The following PIEZO2 variants were observed in gnomAD, a reference collection of about 807,000 sequenced individuals.
The protein encoded by PIEZO2 is piezo-type mechanosensitive ion channel component 2.
In PIEZO2, 172 loss-of-function variants were observed where a neutral mutation model predicts 337.3. The ratio of observed to expected loss-of-function variants is 0.51; its 90% CI spans 0.45 to 0.58. The LOEUF (loss-of-function observed/expected upper bound fraction) is 0.58, where lower values mean the gene tolerates loss of function less well. PIEZO2 is among the 20% of genes least tolerant of loss of function. The pLI, the probability that PIEZO2 is intolerant of heterozygous loss-of-function variation, is 0.00. For missense variants in PIEZO2, 3,028 were observed against 3,391.3 expected (o/e 0.89, Z 2.66); for synonymous variants, 1,251 against 1,228.5 (o/e 1.02, Z -0.38).
chr18:10,705,271 ATTAGGGCAT>A lies in PIEZO2; in HGVS notation c.5999+56_5999+64del, dbSNP rs943624471. On this transcript the variant is annotated intron_variant, in intron 41 of 55. Coordinates refer to ENST00000674853, the MANE Select transcript of PIEZO2 (RefSeq NM_001378183.1). ...ATATATGAATTTTTCTGTATACAGAATTAGGGCATTATGTTTAAGTGGTGATTTGGGGAT... is the reference window on the plus strand; with the variant it reads ...ATATATGAATTTTTCTGTATACAGAATATGTTTAAGTGGTGATTTGGGGAT... 2.8e-6 allele frequency: 4 copies of A among 1,444,984 alleles called. No homozygotes were observed. The African/African-American group carries it at 5.7e-5, about 21-fold the overall frequency. The allele number at this position is 1,444,984 out of a possible 1,614,324, so 89.5% of individuals were successfully genotyped here. A position where few individuals can be genotyped will look rare whatever the true frequency, so the allele number is the denominator to read the frequency against.
rs2035368371 is a variant in PIEZO2, at chr18:10,702,139, A to G, written c.6291T>C (p.Phe2097=). ...VAIVVKYFFQ[F]GFFPWNKNVE... Reference sequence around the variant, plus strand: ...CATTCTTATTCCAGGGAAAGAACCCAAATTGGAAGAAATACTTGACTACAA... The same window carrying G: ...CATTCTTATTCCAGGGAAAGAACCCGAATTGGAAGAAATACTTGACTACAA... Residue 2097 remains phenylalanine (F), a synonymous_variant, in exon 43 of 56, where the codon TTT becomes TTC. Coordinates refer to ENST00000674853, the MANE Select transcript of PIEZO2 (RefSeq NM_001378183.1). 3 of 1,536,632 alleles carry G rather than the reference A, an allele frequency of 2.0e-6. No individual in the cohort carries two copies. Among genetic ancestry groups the G allele is most frequent in the Non-Finnish European group, 2.6e-6 (3 of 1,146,762 alleles).
chr18:10,868,266 G>A (rs544856107), intron 5 of PIEZO2, among the ~76,000 whole-genome samples: 205 of 152,326 alleles, frequency 1.3e-3, no homozygotes, highest in Non-Finnish European at 2.5e-3. Context: ...TGTTCTTTCA[G>A]TATCCTTAAA....
At chr18:10,765,354 A>G (rs2178100) in intron 21 of PIEZO2, among the ~76,000 whole-genome samples, 126,055 of 152,142 alleles carry the variant, frequency 0.83, 52,611 homozygotes, top group African/African-American at 0.93. Context: ...AAACCCATCC[A>G]GCGTCTTAGA....
At chr18:10,896,598 A>T (rs1432193196) in intron 4 of PIEZO2, among the ~76,000 whole-genome samples, 6 of 152,206 alleles carry the variant, frequency 3.9e-5, no homozygotes, top group Non-Finnish European at 7.3e-5. Flanking sequence ...AATAAACAGC[A>T]TCTGGAAGAA....
chr18:10,928,484 G>C lies in PIEZO2; in HGVS notation c.287-17256C>G, dbSNP rs151280174. Among the ~76,000 whole-genome samples the C allele has an allele frequency of 5.6e-3, 860 of 152,356 alleles. 9 individuals are homozygous for C. The highest frequency in any genetic ancestry group is 0.031 in the Middle Eastern group (9 of 294). On this transcript the variant is annotated intron_variant, in intron 3 of 55. Coordinates refer to ENST00000674853, the MANE Select transcript of PIEZO2 (RefSeq NM_001378183.1). ...GCACTCTGCACTTCCCTTTTGAGGG[G>C]AGGGAGCCAGAGTTTCATCCTTTTT... is the stretch of plus-strand genomic sequence containing the variant.
intron 2 of PIEZO2, among the ~76,000 whole-genome samples, chr18:11,041,799 C>T (rs1568321828): frequency 1.3e-5 from 2 of 152,170 alleles, no homozygotes; most frequent in Non-Finnish European, 2.9e-5. Flanking sequence ...CTACTTACTA[C>T]CTCTTTATTG....
At chr18:10,936,052 G>A (rs1420533473) in intron 3 of PIEZO2, among the ~76,000 whole-genome samples, 2 of 152,148 alleles carry the variant, frequency 1.3e-5, no homozygotes, top group African/African-American at 2.4e-5. Flanking sequence ...TGTCTTGGGA[G>A]GTCTTTGTAT....
At chr18:10,757,356 T>G (rs1043713619) in intron 27 of PIEZO2, among the ~76,000 whole-genome samples, 3 of 122,958 alleles carry the variant, frequency 2.4e-5, no homozygotes, top group Non-Finnish European at 3.4e-5. Context: ...GAATGGAGGG[T>G]GATGAGGAGG....
At chr18:10,811,337 A>G (rs2865133) in intron 7 of PIEZO2, among the ~76,000 whole-genome samples, 118,530 of 152,090 alleles carry the variant, frequency 0.78, 46,245 homozygotes, top group East Asian at 0.94. Context: ...TTTGCTGCCC[A>G]TTTTTATTCT....
chr18:10,855,242 A>G lies in PIEZO2; in HGVS notation c.917+111T>C, dbSNP rs2041670284. On this transcript the variant is annotated intron_variant, in intron 7 of 55. Transcript: ENST00000674853. The surrounding 1 kb of genome is among the most constrained non-coding windows in gnomAD (Gnocchi z 4.9). ...CCCCCACAAAATCTTTGCTTAACAC[A>G]GCAATTGCCTGCCATCAAGAATAAC... 3.2e-6 allele frequency: 3 copies of G among 933,096 alleles called. No individual in the cohort carries two copies. The highest frequency in any genetic ancestry group is 4.8e-6 in the Non-Finnish European group (3 of 620,304). The allele number at this position is 933,096 out of a possible 1,614,324, so 57.8% of individuals were successfully genotyped here.
chr18:11,148,856 C>G lies in PIEZO2; in HGVS notation c.-268G>C. 1 of 416,950 alleles carries G rather than the reference C, an allele frequency of 2.4e-6. No homozygotes were observed. Among genetic ancestry groups the G allele is most frequent in the Non-Finnish European group, 4.2e-6 (1 of 238,082 alleles). 25.8% of individuals were successfully genotyped at this position (416,950 alleles called of 1,614,324 possible). ...GGCGCCCGGCCCCCTGCGGCCGGCCCATTTAGTGTGAATCCTGGATCCGGC... is the reference window on the plus strand; with the variant it reads ...GGCGCCCGGCCCCCTGCGGCCGGCCGATTTAGTGTGAATCCTGGATCCGGC... On this transcript the variant is annotated 5_prime_UTR_variant, in exon 1 of 56. The change abolishes an upstream ATG in the 5' untranslated region. Transcript: ENST00000674853. The surrounding 1 kb of genome is among the most constrained non-coding windows in gnomAD (Gnocchi z 5.2).
intron 39 of PIEZO2, chr18:10,709,511 C>CAGGCTGAACGTGGT (rs2035730399): frequency 1.3e-5 from 2 of 152,294 alleles, no homozygotes; most frequent in Admixed American, 1.3e-4. Context: ...GCCTGATTTC[C>CAGGCTGAACGTGGT]AGGCTGAACG....
At chr18:11,123,531 G>A (rs5024976) in intron 1 of PIEZO2, among the ~76,000 whole-genome samples, 83,815 of 152,102 alleles carry the variant, frequency 0.55, 26,529 homozygotes, top group Non-Finnish European at 0.7. Flanking sequence ...AAACTGGGAC[G>A]GGCACGGTGG....
At chr18:10,684,378 G>T (rs1194761871) in intron 49 of PIEZO2, among the ~76,000 whole-genome samples, 5 of 150,778 alleles carry the variant, frequency 3.3e-5, no homozygotes, top group Non-Finnish European at 5.9e-5. Context: ...TGTTAGCCAG[G>T]GTGGTCTCAA....
rs2032995830 is a variant in PIEZO2, at chr18:10,945,933, G to A, written c.286+33602C>T. Among the ~76,000 whole-genome samples, 1 of 152,170 alleles carries A rather than the reference G, an allele frequency of 6.6e-6. No individual in the cohort carries two copies. The highest frequency in any genetic ancestry group is 2.4e-5 in the African/African-American group (1 of 41,468). On this transcript the variant is annotated intron_variant, in intron 3 of 55. Transcript: ENST00000674853. The surrounding 1 kb of genome is among the most constrained non-coding windows in gnomAD (Gnocchi z 4.0). ...ACTGCAAAAGAAAAGATTAGTGAAT[G>A]TGAGGATACAGCATCAGAAACTAAC...
intron 36 of PIEZO2, among the ~76,000 whole-genome samples, chr18:10,722,730 C>T (rs1006038615): frequency 1.1e-4 from 17 of 152,108 alleles, no homozygotes; most frequent in Admixed American, 6.5e-5. Context: ...GCACACTGGT[C>T]TAAAGTTTAT....
In PIEZO2 at chr18:11,047,061, A is replaced by G. The variant is rs2037343361; in HGVS notation, c.160+19066T>C. Among the ~76,000 whole-genome samples, 1 of 152,166 alleles carries G rather than the reference A, an allele frequency of 6.6e-6. No individual in the cohort carries two copies. The highest frequency in any genetic ancestry group is 6.5e-5 in the Admixed American group (1 of 15,274). ...ATTAGGTTTTGGTAGCAAAACAAGG[A>G]CCAGATTTCCGTCTTCACTCATCCT... On this transcript the variant is annotated intron_variant, in intron 2 of 55. Coordinates refer to ENST00000674853, the MANE Select transcript of PIEZO2 (RefSeq NM_001378183.1). This position sits in a 1 kb window ranked among gnomAD's most constrained non-coding sequence, Gnocchi z 7.2.
chr18:11,022,775 G>T (rs761558346), intron 2 of PIEZO2, among the ~76,000 whole-genome samples: 3 of 152,206 alleles, frequency 2.0e-5, no homozygotes, highest in Non-Finnish European at 2.9e-5. Context: ...AGGCTATTTT[G>T]TCCAGAATTG....
Position 11,132,557 on chromosome 18 carries a change from G to T in PIEZO2, c.64+15968C>A, listed in dbSNP as rs1440876526. Among the ~76,000 whole-genome samples, 1 of 152,184 alleles carries T rather than the reference G, an allele frequency of 6.6e-6. No homozygotes were observed. The highest frequency in any genetic ancestry group is 2.4e-5 in the African/African-American group (1 of 41,458). ...TATGTCCGGGAATCAGAAGGTAGAA[G>T]TAGAAGTGGCACCACTCACAATCAT... On this transcript the variant is annotated intron_variant, in intron 1 of 55. Coordinates refer to ENST00000674853, the MANE Select transcript of PIEZO2 (RefSeq NM_001378183.1). The surrounding 1 kb of genome is among the most constrained non-coding windows in gnomAD (Gnocchi z 4.7).
Sources: allele counts gnomAD v4.1 joint callset (sites outside exome capture counted in the v4.1 genomes callset), GRCh38; gene constraint gnomAD v4.1.1; non-coding constraint Gnocchi (gnomAD v3.1); transcripts MANE v1.5; gene names NCBI Gene and HGNC (gene_info 2026-07-23, HGNC 2026-07-21).